AGBL4: variants seen among roughly 807,000 people sequenced by gnomAD.
AGBL4 encodes AGBL carboxypeptidase 4, also known as cytosolic carboxypeptidase 6.
AGBL4 carries 58 observed loss-of-function variants against 66.4 expected under a neutral mutation model. The observed-to-expected ratio is 0.87, with a 90% CI of 0.71 to 1.09. The LOEUF is 1.09. Ranked by LOEUF, AGBL4 falls within the 50% of genes least tolerant of loss-of-function variation. AGBL4 has a pLI of 0.00. For synonymous variants in AGBL4, 234 were observed against 222.9 expected (o/e 1.05, Z -0.44); for missense variants, 579 against 631.0 (o/e 0.92, Z 0.88).
chr1:48,653,993 A>G (rs1382141015), intron 7 of AGBL4, among the ~76,000 whole-genome samples: 2 of 152,072 alleles, frequency 1.3e-5, no homozygotes, highest in Non-Finnish European at 2.9e-5. Flanking sequence ...TCTTTCATGT[A>G]CTCCAAATGT....
chr1:49,708,608 TG>T (rs1324774277), intron 2 of AGBL4, among the ~76,000 whole-genome samples: 1 of 152,116 alleles, frequency 6.6e-6, no homozygotes, highest in East Asian at 1.9e-4. Context: ...GGCGAGGAGT[TG>T]TGATCCTTTG....
chr1:49,682,637 A>G (rs1646717199), intron 3 of AGBL4, among the ~76,000 whole-genome samples: 1 of 152,228 alleles, frequency 6.6e-6, no homozygotes, highest in African/African-American at 2.4e-5. Flanking sequence ...CGAAGGCCCT[A>G]GAGCAGGACC....
chr1:49,694,537 T>C (rs528020392), intron 3 of AGBL4, among the ~76,000 whole-genome samples: 3 of 152,256 alleles, frequency 2.0e-5, no homozygotes, highest in Non-Finnish European at 4.4e-5. Context: ...GCACTCTATA[T>C]GCAGACAGAA....
intron 4 of AGBL4, among the ~76,000 whole-genome samples, chr1:49,139,087 C>A (rs146900456): frequency 6.6e-6 from 1 of 152,052 alleles, no homozygotes; most frequent in Non-Finnish European, 1.5e-5. Flanking sequence ...AACTCGCTAT[C>A]CCAAGAACAG....
intron 4 of AGBL4, among the ~76,000 whole-genome samples, chr1:49,092,761 T>C (rs1276666742): frequency 6.6e-6 from 1 of 152,098 alleles, no homozygotes; most frequent in African/African-American, 2.4e-5. Context: ...GCTCTCAGCA[T>C]AGAGCTTGGT....
intron 4 of AGBL4, among the ~76,000 whole-genome samples, chr1:49,172,053 T>G (rs372638723): frequency 6.6e-6 from 1 of 152,214 alleles, no homozygotes; most frequent in Non-Finnish European, 1.5e-5. Context: ...ACCATAATCT[T>G]AGTCACCAAA....
At chr1:49,098,029 C>G (rs1425762318) in intron 4 of AGBL4, among the ~76,000 whole-genome samples, 1 of 152,196 alleles carries the variant, frequency 6.6e-6, no homozygotes, top group Non-Finnish European at 1.5e-5. Flanking sequence ...ATTCCTTCTT[C>G]AAGAGAGAGG....
chr1:48,698,476 C>A (rs1190013421), intron 6 of AGBL4, among the ~76,000 whole-genome samples: 1 of 152,190 alleles, frequency 6.6e-6, no homozygotes, highest in East Asian at 1.9e-4. Flanking sequence ...TGGCCGAGAC[C>A]AGATCAGAAC....
chr1:48,525,064 C>CCAGCAGCAG, the AGBL4 span, among the ~76,000 whole-genome samples: 1 of 152,072 alleles, frequency 6.6e-6, no homozygotes, highest in South Asian at 2.1e-4. Flanking sequence ...ATTTTCGCCA[C>CCAGCAGCAG]CAGCAGCAGC....
chr1:49,736,268 T>C (rs2124730539), intron 2 of AGBL4, among the ~76,000 whole-genome samples: 1 of 152,070 alleles, frequency 6.6e-6, no homozygotes, highest in Middle Eastern at 3.4e-3. Context: ...AGAAAGGCTC[T>C]TGAAAAAAAG....
At chr1:49,646,116 G>A (rs879920405) in intron 3 of AGBL4, among the ~76,000 whole-genome samples, 5 of 151,780 alleles carry the variant, frequency 3.3e-5, no homozygotes, top group Non-Finnish European at 7.4e-5. Context: ...TCAGGATCAA[G>A]TCAAGGATAT....
intron 11 of AGBL4, chr1:48,584,034 CTCACCTTAACCCCTTCCAA>C (rs1644780017): frequency 6.6e-6 from 1 of 152,138 alleles, no homozygotes; most frequent in Non-Finnish European, 1.5e-5. Flanking sequence ...AGCCTCTCTA[CTCACCTTAACCCCTTCCAA>C]TCACGAGCTC....
At chr1:48,925,519 T>G (rs1191651171) in intron 5 of AGBL4, among the ~76,000 whole-genome samples, 2 of 151,908 alleles carry the variant, frequency 1.3e-5, no homozygotes, top group East Asian at 1.9e-4. Context: ...TTTTTTGTGT[T>G]TTTTTTTAAA....
chr1:49,056,257 A>G (rs533463179), intron 4 of AGBL4, among the ~76,000 whole-genome samples: 1 of 150,656 alleles, frequency 6.6e-6, no homozygotes, highest in Non-Finnish European at 1.5e-5. Context: ...AGAAGGGGGA[A>G]AAAAAAAAGC....
chr1:49,531,044 A>T (rs1301290305), intron 3 of AGBL4, among the ~76,000 whole-genome samples: 1 of 152,102 alleles, frequency 6.6e-6, no homozygotes, highest in African/African-American at 2.4e-5. Flanking sequence ...CATATGTATT[A>T]TTTCTATTCT....
chr1:48,723,310 C>G (rs137916373), intron 6 of AGBL4, among the ~76,000 whole-genome samples: 1 of 152,088 alleles, frequency 6.6e-6, no homozygotes, highest in Non-Finnish European at 1.5e-5. Context: ...ATGGCAATAA[C>G]TGGATGGACT....
chr1:48,937,833 G>A (rs1331362903), intron 5 of AGBL4, among the ~76,000 whole-genome samples: 2 of 152,160 alleles, frequency 1.3e-5, no homozygotes, highest in Admixed American at 1.3e-4. Flanking sequence ...AATCACTGCT[G>A]TTACCTTCCA....
At position 49,643,415 on chromosome 1, in the gene AGBL4, C is replaced by T. The variant is rs377711480; in HGVS notation, c.282+53898G>A. Among the ~76,000 whole-genome samples, 52 of 151,408 alleles carry T rather than the reference C, an allele frequency of 3.4e-4. 1 individual carries two copies. In the South Asian group the frequency reaches 9.3e-3, roughly 27 times the overall value. On this transcript the variant is annotated intron_variant, in intron 3 of 13. Coordinates refer to ENST00000371839, the MANE Select transcript of AGBL4 (RefSeq NM_032785.4). The stretch of plus-strand genomic sequence containing the variant: ...GGAAATGGAAGAGAGATAGAAGAAA[C>T]ATTTTAAAGAACAATAGCTGAAAAT...
intron 1 of AGBL4, among the ~76,000 whole-genome samples, chr1:49,998,101 C>T (rs1294457632): frequency 6.6e-6 from 1 of 151,042 alleles, no homozygotes; most frequent in Admixed American, 6.6e-5. Flanking sequence ...AAGATCAGAA[C>T]AGAACTAAAT....
Sources: gnomAD v4.1 joint callset for allele counts (sites outside exome capture counted in the v4.1 genomes callset) on GRCh38, gnomAD v4.1.1 for gene constraint, MANE v1.5 for transcripts, NCBI Gene and HGNC (gene_info 2026-07-23, HGNC 2026-07-21) for gene names.